Variants in NRCAM observed in about 807,000 individuals in gnomAD.
The protein encoded by NRCAM is neuronal cell adhesion molecule, also known as NgCAM-related cell adhesion molecule.
A neutral mutation model predicts 156.5 loss-of-function variants in NRCAM; 83 were observed. The observed-to-expected ratio is 0.53, with a 90% CI of 0.44 to 0.64. NRCAM has a LOEUF of 0.64. Ranked by LOEUF, NRCAM falls within the 30% of genes least tolerant of loss-of-function variation. The pLI is 0.00. For missense variants in NRCAM, 1,417 were observed against 1,597.3 expected (o/e 0.89, Z 1.92); for synonymous variants, 538 against 563.9 (o/e 0.95, Z 0.65).
chr7:108,386,426 A>T (rs2099741094), intron 2 of NRCAM, among the ~76,000 whole-genome samples: 1 of 152,206 alleles, frequency 6.6e-6, no homozygotes, highest in Non-Finnish European at 1.5e-5. Context: ...GATTGGAAAT[A>T]AATTATTCTT....
At chr7:108,442,085 A>G (rs1170001409) in intron 1 of NRCAM, among the ~76,000 whole-genome samples, 1 of 152,236 alleles carries the variant, frequency 6.6e-6, no homozygotes, top group Non-Finnish European at 1.5e-5. Flanking sequence ...AACTTTACAT[A>G]TAATACCTCG....
At chr7:108,381,162 A>G (rs1465639848) in intron 2 of NRCAM, among the ~76,000 whole-genome samples, 5 of 152,100 alleles carry the variant, frequency 3.3e-5, no homozygotes, top group Non-Finnish European at 7.4e-5. Flanking sequence ...ATGTAGCTAT[A>G]TATGTGTCAT....
intron 3 of NRCAM, among the ~76,000 whole-genome samples, chr7:108,303,989 T>C (rs1273689920): frequency 6.6e-6 from 1 of 152,216 alleles, no homozygotes; most frequent in East Asian, 1.9e-4. Context: ...TTTAGGAATA[T>C]CTGAAGCACA....
In NRCAM at chr7:108,209,724, T is replaced by C. The variant is rs767776769; in HGVS notation, c.891-119A>G. 459 of 711,908 alleles carry C rather than the reference T, an allele frequency of 6.4e-4. 6 individuals are homozygous for C. The highest frequency in any genetic ancestry group is 6.0e-4 in the Middle Eastern group (2 of 3,316). 44.1% of individuals were successfully genotyped at this position (711,908 alleles called of 1,614,324 possible). ...TTATTAAAAAATCATAAGAAATACATAGATATTTTAATTAGCACCACACTT... is the reference window on the plus strand; with the variant it reads ...TTATTAAAAAATCATAAGAAATACACAGATATTTTAATTAGCACCACACTT... On this transcript the variant is annotated intron_variant, in intron 11 of 32. Transcript: ENST00000379028.
intron 10 of NRCAM, among the ~76,000 whole-genome samples, chr7:108,224,834 A>G (rs1277517310): frequency 6.6e-6 from 1 of 152,102 alleles, no homozygotes; most frequent in Non-Finnish European, 1.5e-5. Flanking sequence ...CTTGGGGCCC[A>G]TATTTTTCAG....
intron 2 of NRCAM, among the ~76,000 whole-genome samples, chr7:108,393,348 C>T (rs769813929): frequency 1.3e-4 from 20 of 152,142 alleles, no homozygotes; most frequent in Non-Finnish European, 2.9e-4. Context: ...GCTCTGTGGG[C>T]GTGGGACCCT....
intron 2 of NRCAM, among the ~76,000 whole-genome samples, chr7:108,369,146 G>A (rs2099612896): frequency 6.6e-6 from 1 of 151,996 alleles, no homozygotes; most frequent in Admixed American, 6.6e-5. Context: ...TATTTATAAT[G>A]TAATTCATGT....
chr7:108,403,427 T>C (rs2099798628), intron 1 of NRCAM, among the ~76,000 whole-genome samples: 1 of 152,178 alleles, frequency 6.6e-6, no homozygotes, highest in Admixed American at 6.5e-5. Context: ...TTGGACACAA[T>C]TTTAGAGAGC....
intron 27 of NRCAM, 43 bp downstream of exon 27, chr7:108,176,387 A>G: frequency 6.5e-7 from 1 of 1,544,800 alleles, no homozygotes; most frequent in Non-Finnish European, 8.9e-7. Flanking sequence ...TTTTTATTTC[A>G]TGATGCTTAT....
At chr7:108,400,904 A>G (rs978981416) in intron 1 of NRCAM, among the ~76,000 whole-genome samples, 1 of 152,104 alleles carries the variant, frequency 6.6e-6, no homozygotes, top group Admixed American at 6.5e-5. Flanking sequence ...ACTGATGACT[A>G]GGAAGTGATG....
intron 13 of NRCAM, among the ~76,000 whole-genome samples, chr7:108,199,613 G>A (rs961330447): frequency 2.6e-5 from 4 of 152,134 alleles, no homozygotes; most frequent in African/African-American, 4.8e-5. Flanking sequence ...CAAAGCTGTC[G>A]ATGTTGCATC....
chr7:108,343,228 G>C (rs1179944714), intron 2 of NRCAM, among the ~76,000 whole-genome samples: 1 of 152,176 alleles, frequency 6.6e-6, no homozygotes, highest in Non-Finnish European at 1.5e-5. Flanking sequence ...TCAGGCAGTA[G>C]AATTAGAAGG....
intron 27 of NRCAM, 133 bp from the exon 28 acceptor site, chr7:108,175,490 A>G: frequency 1.4e-6 from 1 of 739,362 alleles, no homozygotes; most frequent in Non-Finnish European, 2.1e-6. Context: ...CACATCAGGT[A>G]TAGGGGACAA....
chr7:108,355,708 C>A (rs1225779354), intron 2 of NRCAM, among the ~76,000 whole-genome samples: 2 of 152,156 alleles, frequency 1.3e-5, no homozygotes, highest in Non-Finnish European at 1.5e-5. Flanking sequence ...GGCTCTACCA[C>A]CATGTTAGTC....
At chr7:108,420,419 A>G (rs1260224221) in intron 1 of NRCAM, among the ~76,000 whole-genome samples, 1 of 152,192 alleles carries the variant, frequency 6.6e-6, no homozygotes, top group Admixed American at 6.5e-5. Context: ...CGTCTTACCA[A>G]TATATGAATT....
intron 7 of NRCAM, among the ~76,000 whole-genome samples, chr7:108,231,713 G>A (rs548746122): frequency 6.6e-6 from 1 of 152,224 alleles, no homozygotes; most frequent in African/African-American, 2.4e-5. Context: ...TTGAATGGAA[G>A]GATTCATGAA....
At chr7:108,237,857 G>C in intron 4 of NRCAM, 88 bp from the exon 5 acceptor site, 1 of 912,342 alleles carries the variant, frequency 1.1e-6, no homozygotes, top group Non-Finnish European at 1.6e-6. Context: ...GAACTCTGAA[G>C]ATAAAGGGGG....
intron 1 of NRCAM, among the ~76,000 whole-genome samples, chr7:108,400,470 T>G (rs886391856): frequency 1.3e-5 from 2 of 152,166 alleles, no homozygotes; most frequent in African/African-American, 4.8e-5. Flanking sequence ...AAAGTATCGA[T>G]GGCTGGGCCA....
chr7:108,386,357 T>C (rs549372597), intron 2 of NRCAM, among the ~76,000 whole-genome samples: 1 of 152,280 alleles, frequency 6.6e-6, no homozygotes, highest in South Asian at 2.1e-4. Flanking sequence ...TAAAAGAGCA[T>C]TTAGTCTAAA....
Sources: allele counts gnomAD v4.1 joint callset (sites outside exome capture counted in the v4.1 genomes callset), GRCh38; gene constraint gnomAD v4.1.1; transcripts MANE v1.5; gene names NCBI Gene and HGNC (gene_info 2026-07-23, HGNC 2026-07-21).